Variants in ZNF594 observed in about 807,000 individuals in gnomAD.
ZNF594 encodes the protein zinc finger protein HZF18.
For missense variants in ZNF594, 1,037 were observed against 964.6 expected (o/e 1.08, Z -0.99); for synonymous variants, 336 against 309.4 (o/e 1.09, Z -0.90).
Position 5,183,742 on chromosome 17 carries a change from A to G in ZNF594, c.515T>C (p.Ile172Thr), listed in dbSNP as rs535259961. The change falls in exon 2 of 2, where the codon ATA (isoleucine) becomes ACA (threonine). Residue 172 changes from isoleucine (I) to threonine (T), a missense_variant. Ile to Thr is a moderately conservative substitution (Grantham distance 89). Coordinates refer to ENST00000575779, the MANE Select transcript of ZNF594 (RefSeq NM_032530.2). ...CTTTCCTGTATGAATTCTCTGATGT[A>G]TAATAAGATTTGAACTTTGATTAGA... ...KDSNQSSNLI[I>T]HQRIHTGKKP... The G allele has an allele frequency of 4.2e-5, 67 of 1,577,604 alleles. No homozygotes were observed. In the African/African-American group the frequency reaches 1.4e-3, roughly 33 times the overall value.
chr17:5,178,903 C>T (rs1348875516), downstream of ZNF594, among the ~76,000 whole-genome samples: 3 of 152,118 alleles, frequency 2.0e-5, no homozygotes, highest in African/African-American at 4.8e-5. Flanking sequence ...TTATAGAATA[C>T]CTTTTTAAAT....
At chr17:5,175,261 A>T (rs1025186380), downstream of ZNF594, among the ~76,000 whole-genome samples, 1 of 152,112 alleles carries the variant, frequency 6.6e-6, no homozygotes, top group African/African-American at 2.4e-5. Context: ...CCTTGCTCCC[A>T]TTACCGCCTG....
In ZNF594 at chr17:5,187,816, C is replaced by G. The variant is rs146575419; in HGVS notation, c.-20-3540G>C. 7.4e-3 allele frequency among the ~76,000 whole-genome samples: 1,122 copies of G among 151,790 alleles called. 20 individuals carry two copies. The highest frequency in any genetic ancestry group is 0.025 in the African/African-American group (1,038 of 41,392). Reference sequence around the variant, plus strand: ...TATGTGTCAGCTGCTGTTATTATTACTATTAATACTTACCCTTTAATATTA... The same window carrying G: ...TATGTGTCAGCTGCTGTTATTATTAGTATTAATACTTACCCTTTAATATTA... On this transcript the variant is annotated intron_variant, in intron 1 of 1. Transcript: ENST00000575779.
chr17:5,185,609 A>T (rs2074381200), intron 1 of ZNF594, among the ~76,000 whole-genome samples: 1 of 152,158 alleles, frequency 6.6e-6, no homozygotes. Context: ...GTCTCATCTC[A>T]TTTCAGCATT....
At chr17:5,177,047 T>C (rs1286101464), downstream of ZNF594, among the ~76,000 whole-genome samples, 2 of 151,498 alleles carry the variant, frequency 1.3e-5, no homozygotes, top group African/African-American at 4.9e-5. Context: ...ATACAAAAAA[T>C]TAGCCAGGCG....
At position 5,184,106 on chromosome 17, in the gene ZNF594, G is replaced by A. The variant is rs1450002211; in HGVS notation, c.151C>T (p.Pro51Ser). The change falls in exon 2 of 2, where the codon CCT becomes TCT. Residue 51 changes from proline to serine, a missense_variant. Transcript: ENST00000575779. ...AGATGTCTCATTGCATCCTTTAAAG[G>A]GCTTACCCAGTGCTTCAATAATCTG... is the stretch of plus-strand genomic sequence containing the variant. ...EDRLLKHWVS[P>S]LKDAMRHLPS... 6.2e-7 allele frequency: 1 copy of A among 1,613,968 alleles called. No homozygotes were observed. Among genetic ancestry groups the A allele is most frequent in the Non-Finnish European group, 8.5e-7 (1 of 1,180,032 alleles).
At position 5,184,240 on chromosome 17, in the gene ZNF594, G is replaced by A. The variant is rs755447348; in HGVS notation, c.17C>T (p.Ser6Leu). 6 of 1,612,472 alleles carry A rather than the reference G, an allele frequency of 3.7e-6. No individual in the cohort carries two copies. The highest frequency in any genetic ancestry group is 1.1e-5 in the South Asian group (1 of 90,792). The change falls in exon 2 of 2, where the codon TCA (serine) becomes TTA (leucine). Residue 6 changes from serine (S) to leucine (L), a missense_variant. Physicochemically the swap from Ser to Leu is moderately radical, Grantham distance 145. Transcript: ENST00000575779. Reference protein sequence around the residue: MKEWKSKMEISEEKKS... With the variant: MKEWKLKMEISEEKKS... ...CTTTTCTTCAGAAATTTCCATCTTT[G>A]ATTTCCATTCCTTCATCTTATTCCT...
In ZNF594 at chr17:5,183,106, T is replaced by G. The variant is rs376474950; in HGVS notation, c.1151A>C (p.Asn384Thr). The G allele has an allele frequency of 6.1e-5, 98 of 1,613,936 alleles. 1 individual carries two copies. In the African/African-American group the frequency reaches 7.9e-4, roughly 13 times the overall value. Reference protein sequence around the residue: ...KAYWCNQCGRNFQGTSDLIRH... With the variant: ...KAYWCNQCGRTFQGTSDLIRH... Reference sequence around the variant, plus strand: ...GATGAGGTCTGAGGTGCCCTGGAAATTCCTACCACACTGATTACACCAATA... The same window carrying G: ...GATGAGGTCTGAGGTGCCCTGGAAAGTCCTACCACACTGATTACACCAATA... The change falls in exon 2 of 2, where the codon AAT becomes ACT. Residue 384 changes from asparagine to threonine, a missense_variant. Physicochemically the swap from Asn to Thr is moderately conservative, Grantham distance 65. Transcript: ENST00000575779.
intron 1 of ZNF594, among the ~76,000 whole-genome samples, chr17:5,187,737 T>C (rs1322824743): frequency 1.3e-5 from 2 of 152,134 alleles, no homozygotes; most frequent in East Asian, 1.9e-4. Context: ...GAGAATCAAA[T>C]ATATATAAAT....
At chr17:5,187,263 A>T (rs1476708742) in intron 1 of ZNF594, among the ~76,000 whole-genome samples, 1 of 152,224 alleles carries the variant, frequency 6.6e-6, no homozygotes, top group Non-Finnish European at 1.5e-5. Flanking sequence ...GAAGATGCAA[A>T]AGCGGAAACC....
At chr17:5,179,090 G>T (rs1450577719), downstream of ZNF594, among the ~76,000 whole-genome samples, 1 of 151,546 alleles carries the variant, frequency 6.6e-6, no homozygotes, top group Non-Finnish European at 1.5e-5. Flanking sequence ...GGAGGTGACA[G>T]CGCCAGCAGC....
chr17:5,183,625 T>C lies in ZNF594; in HGVS notation c.632A>G (p.Tyr211Cys), dbSNP rs201800504. 117 of 1,614,234 alleles carry C rather than the reference T, an allele frequency of 7.2e-5. No homozygotes were observed. The African/African-American group carries it at 9.5e-4, about 13-fold the overall frequency. ...HKQIHSGGNP[Y>C]ECKECGKAFK... ...AGCCTTCCCACACTCTTTGCACTCATAGGGATTCCCACCACTGTGAATTTG... is the reference window on the plus strand; with the variant it reads ...AGCCTTCCCACACTCTTTGCACTCACAGGGATTCCCACCACTGTGAATTTG... The change falls in exon 2 of 2, where the codon TAT (tyrosine) becomes TGT (cysteine). Residue 211 changes from tyrosine (Y) to cysteine (C), a missense_variant. Tyr to Cys is a radical substitution (Grantham distance 194). Coordinates refer to ENST00000575779, the MANE Select transcript of ZNF594 (RefSeq NM_032530.2).
chr17:5,182,768 A>G lies in ZNF594; in HGVS notation c.1489T>C (p.Phe497Leu). Reference protein sequence around the residue: ...PYQCTECGKAFRRRSLLIQHR... With the variant: ...PYQCTECGKALRRRSLLIQHR... Reference sequence around the variant, plus strand: ...TGAATAAGGAGTGAACGCCGCCTGAAGGCTTTCCCACATTCAGTGCACTGA... The same window carrying G: ...TGAATAAGGAGTGAACGCCGCCTGAGGGCTTTCCCACATTCAGTGCACTGA... Residue 497 changes from phenylalanine to leucine, a missense_variant, in exon 2 of 2, where the codon TTC (phenylalanine) becomes CTC (leucine). Transcript: ENST00000575779. The G allele has an allele frequency of 6.2e-7, 1 of 1,614,068 alleles. No individual in the cohort carries two copies. The highest frequency in any genetic ancestry group is 1.3e-5 in the African/African-American group (1 of 75,002).
chr17:5,188,994 G>T (rs377166228), intron 1 of ZNF594, among the ~76,000 whole-genome samples: 1 of 151,384 alleles, frequency 6.6e-6, no homozygotes, highest in African/African-American at 2.4e-5. Flanking sequence ...TGATCTGCCC[G>T]CCTTGGCCTC....
downstream of ZNF594, among the ~76,000 whole-genome samples, chr17:5,178,394 CTT>C (rs1171700416): frequency 6.6e-6 from 1 of 152,100 alleles, no homozygotes; most frequent in Non-Finnish European, 1.5e-5. Flanking sequence ...ATAAATAACT[CTT>C]AGCATATGTA....
At position 5,183,778 on chromosome 17, in the gene ZNF594, C is replaced by T. The variant is rs2074367127; in HGVS notation, c.479G>A (p.Cys160Tyr). The change falls in exon 2 of 2, where the codon TGT becomes TAT. Residue 160 changes from cysteine to tyrosine, a missense_variant. Transcript: ENST00000575779. ...TGAACTTTGATTAGAGTCTTTCCCA[C>T]ATTCATTACACACATATGGCTTATT... is the stretch of plus-strand genomic sequence containing the variant. Reference protein sequence around the residue: ...TGNKPYVCNECGKDSNQSSNL... With the variant: ...TGNKPYVCNEYGKDSNQSSNL... The T allele has an allele frequency of 1.2e-6, 2 of 1,613,276 alleles. No individual in the cohort carries two copies.
chr17:5,181,107 G>A lies in ZNF594; in HGVS notation c.*726C>T, dbSNP rs1427969532. ...AATTCTTTGATGACTGACAAGGTGTGAGTTCTGACTGAAGGCCTTCCAACA... is the reference window on the plus strand; with the variant it reads ...AATTCTTTGATGACTGACAAGGTGTAAGTTCTGACTGAAGGCCTTCCAACA... On this transcript the variant is annotated 3_prime_UTR_variant, in exon 2 of 2. Coordinates refer to ENST00000575779, the MANE Select transcript of ZNF594 (RefSeq NM_032530.2). 33 of 1,507,980 alleles carry A rather than the reference G, an allele frequency of 2.2e-5. No homozygotes were observed. The highest frequency in any genetic ancestry group is 3.0e-5 in the Non-Finnish European group (33 of 1,089,826). 93.4% of individuals were successfully genotyped at this position (1,507,980 alleles called of 1,614,324 possible).
At chr17:5,177,831 G>A (rs1312966795), downstream of ZNF594, among the ~76,000 whole-genome samples, 1 of 151,898 alleles carries the variant, frequency 6.6e-6, no homozygotes, top group South Asian at 2.1e-4. Flanking sequence ...GTGAGACTCT[G>A]TCCCCCAAAA....
chr17:5,181,649 C>T lies in ZNF594; in HGVS notation c.*184G>A, dbSNP rs749641512. ...CACATTCAGTGCACTGATAGGGCTTCTCTCCAGTGTGGATTTTCTGGTGTG... is the reference window on the plus strand; with the variant it reads ...CACATTCAGTGCACTGATAGGGCTTTTCTCCAGTGTGGATTTTCTGGTGTG... On this transcript the variant is annotated 3_prime_UTR_variant, in exon 2 of 2. Coordinates refer to ENST00000575779, the MANE Select transcript of ZNF594 (RefSeq NM_032530.2). The T allele has an allele frequency of 6.3e-7, 1 of 1,584,204 alleles. No individual in the cohort carries two copies. Among genetic ancestry groups the T allele is most frequent in the Non-Finnish European group, 8.7e-7 (1 of 1,152,936 alleles).
Sources: gnomAD v4.1 joint callset for allele counts (sites outside exome capture counted in the v4.1 genomes callset) on GRCh38, gnomAD v4.1.1 for gene constraint, MANE v1.5 for transcripts, NCBI Gene and HGNC (gene_info 2026-07-23, HGNC 2026-07-21) for gene names.